Variants in CPAP observed in about 807,000 individuals in gnomAD.
The protein encoded by CPAP is centrosome assembly and centriole elongation protein, also known as centrosomal P4.1-associated protein.
the CPAP span, among the ~76,000 whole-genome samples, chr13:24,917,668 C>G: frequency 3.3e-5 from 5 of 152,258 alleles, no homozygotes; most frequent in Admixed American, 6.5e-5. Context: ...TTACAGTGAT[C>G]TATTTAAATT....
the CPAP span, chr13:24,885,523 T>C: frequency 1.6e-6 from 2 of 1,241,586 alleles, no homozygotes; most frequent in Middle Eastern, 1.9e-4. Context: ...TTACACGTGG[T>C]TTAGAAACGT....
At chr13:24,933,212 G>GGAAA in the CPAP span, 1 of 1,128,078 alleles carries the variant, frequency 8.9e-7, no homozygotes, top group African/African-American at 1.5e-5. Flanking sequence ...GGTTAGAAGA[G>GGAAA]GAAACAGAGA....
chr13:24,901,555 G>A, the CPAP span, among the ~76,000 whole-genome samples: 1 of 152,206 alleles, frequency 6.6e-6, no homozygotes, highest in Non-Finnish European at 1.5e-5. Context: ...ATTCCCTGCA[G>A]AATAATTTCT....
the CPAP span, chr13:24,882,418 CAAGTAAGT>C: frequency 1.3e-5 from 2 of 151,926 alleles, no homozygotes. Flanking sequence ...TATAAATTTA[CAAGTAAGT>C]AAGTAAGTGA....
chr13:24,924,898 A>C, the CPAP span: 1 of 152,174 alleles, frequency 6.6e-6, no homozygotes, highest in African/African-American at 2.4e-5. Flanking sequence ...GGTGGATAAT[A>C]ATGAGACCTT....
the CPAP span, chr13:24,906,995 G>A: frequency 6.2e-7 from 1 of 1,601,134 alleles, no homozygotes; most frequent in South Asian, 1.1e-5. Context: ...ATTAATTTTG[G>A]TATATCCAAG....
chr13:24,915,476 G>A, the CPAP span, among the ~76,000 whole-genome samples: 1 of 152,284 alleles, frequency 6.6e-6, no homozygotes, highest in South Asian at 2.1e-4. Context: ...CCTTGACACT[G>A]GATGAGATCA....
At chr13:24,905,127 C>T in the CPAP span, among the ~76,000 whole-genome samples, 3 of 152,222 alleles carry the variant, frequency 2.0e-5, no homozygotes, top group African/African-American at 7.2e-5. Flanking sequence ...AGAAAGGAAA[C>T]GTAGAAGCTT....
the CPAP span, among the ~76,000 whole-genome samples, chr13:24,926,944 T>G: frequency 3.3e-5 from 5 of 152,288 alleles, no homozygotes; most frequent in African/African-American, 9.6e-5. Flanking sequence ...CAAACAACTT[T>G]AGAGGCCAGT....
the CPAP span, among the ~76,000 whole-genome samples, chr13:24,918,600 T>C: frequency 6.6e-6 from 1 of 151,808 alleles, no homozygotes; most frequent in African/African-American, 2.4e-5. Context: ...AGAAGAAAAG[T>C]TAAGAAAATA....
At chr13:24,918,848 G>C in the CPAP span, among the ~76,000 whole-genome samples, 1 of 152,158 alleles carries the variant, frequency 6.6e-6, no homozygotes, top group Admixed American at 6.5e-5. Context: ...GGTGACAGAA[G>C]TGGAAGAAAA....
the CPAP span, chr13:24,884,027 T>A: frequency 6.2e-7 from 1 of 1,614,098 alleles, no homozygotes; most frequent in Non-Finnish European, 8.5e-7. Context: ...GGAAATAAGT[T>A]TTTAACAGTC....
At chr13:24,900,223 C>G in the CPAP span, among the ~76,000 whole-genome samples, 1 of 152,166 alleles carries the variant, frequency 6.6e-6, no homozygotes. Flanking sequence ...GCAGAAGGAG[C>G]AGCAAGTGCC....
the CPAP span, chr13:24,883,018 CA>C: frequency 1.5e-6 from 1 of 653,920 alleles, no homozygotes; most frequent in East Asian, 2.7e-5. Context: ...CATTGCATTT[CA>C]AAGAATATAA....
the CPAP span, among the ~76,000 whole-genome samples, chr13:24,915,756 G>A: frequency 4.6e-5 from 7 of 152,076 alleles, no homozygotes; most frequent in African/African-American, 7.2e-5. Flanking sequence ...CCGAGATAGC[G>A]TTATTGCACT....
At chr13:24,883,472 C>A in the CPAP span, 1 of 842,300 alleles carries the variant, frequency 1.2e-6, no homozygotes, top group Non-Finnish European at 1.8e-6. Context: ...GCAGCTACTT[C>A]TGGAGACATC....
the CPAP span, among the ~76,000 whole-genome samples, chr13:24,928,768 G>A: frequency 6.6e-6 from 1 of 152,154 alleles, no homozygotes; most frequent in Non-Finnish European, 1.5e-5. Context: ...GGTGCAAAGA[G>A]ACTTTTTTTA....
the CPAP span, chr13:24,909,780 AGTAGCTCAC>A: frequency 6.2e-7 from 1 of 1,607,386 alleles, no homozygotes; most frequent in Non-Finnish European, 8.5e-7. Context: ...GAGAAACATA[AGTAGCTCAC>A]CTGTAGGATG....
the CPAP span, chr13:24,906,145 A>G: frequency 6.2e-7 from 1 of 1,613,740 alleles, no homozygotes; most frequent in East Asian, 2.2e-5. Flanking sequence ...TACAATGACT[A>G]ATGGGATCTG....
Sources: gnomAD v4.1 joint callset for allele counts (sites outside exome capture counted in the v4.1 genomes callset) on GRCh38, gnomAD v4.1.1 for gene constraint, MANE v1.5 for transcripts, NCBI Gene and HGNC (gene_info 2026-07-23, HGNC 2026-07-21) for gene names.